ZBTB20: variants seen among roughly 807,000 people sequenced by gnomAD.
ZBTB20 encodes the protein zinc finger and BTB domain-containing protein 20.
In ZBTB20, 9 loss-of-function variants were observed where a neutral mutation model predicts 56.9. The ratio of observed to expected loss-of-function variants is 0.16; its 90% CI spans 0.10 to 0.28. The LOEUF (loss-of-function observed/expected upper bound fraction) is 0.28, where lower values mean the gene tolerates loss of function less well. Ranked by LOEUF, ZBTB20 falls within the 10% of genes least tolerant of loss-of-function variation. The pLI, the probability that ZBTB20 is intolerant of heterozygous loss-of-function variation, is 1.00. For missense variants in ZBTB20, 655 were observed against 1,003.0 expected (o/e 0.65, Z 4.69); for synonymous variants, 417 against 420.7 (o/e 0.99, Z 0.11).
chr3:114,762,544 A>G (rs750590214), intron 5 of ZBTB20, among the ~76,000 whole-genome samples: 5 of 152,136 alleles, frequency 3.3e-5, no homozygotes, highest in Non-Finnish European at 7.4e-5. Context: ...GGCTCTCTTC[A>G]TTTGCTTGTG....
intron 7 of ZBTB20, among the ~76,000 whole-genome samples, chr3:114,448,975 G>T (rs1200228099): frequency 6.6e-6 from 1 of 152,064 alleles, no homozygotes; most frequent in Non-Finnish European, 1.5e-5. Context: ...AGGTATTACT[G>T]ACTGACACTG....
At chr3:115,114,809 G>C (rs1403583020) in intron 1 of ZBTB20, among the ~76,000 whole-genome samples, 1 of 152,032 alleles carries the variant, frequency 6.6e-6, no homozygotes. Context: ...ACTTTAAAAA[G>C]ACAGATCGAA....
At chr3:114,532,627 C>T (rs1288219831) in intron 6 of ZBTB20, among the ~76,000 whole-genome samples, 3 of 152,226 alleles carry the variant, frequency 2.0e-5, no homozygotes, top group Admixed American at 2.0e-4. Context: ...CATCACAGAG[C>T]TCGAGCTCTC....
At chr3:114,589,905 G>A (rs1187899295) in intron 6 of ZBTB20, among the ~76,000 whole-genome samples, 1 of 152,072 alleles carries the variant, frequency 6.6e-6, no homozygotes, top group Non-Finnish European at 1.5e-5. Flanking sequence ...ATTACATTCT[G>A]TGGACCTCTC....
chr3:114,686,752 C>T (rs1461030307), intron 6 of ZBTB20, among the ~76,000 whole-genome samples: 4 of 152,144 alleles, frequency 2.6e-5, no homozygotes, highest in Non-Finnish European at 5.9e-5. Flanking sequence ...GCCTTCATCA[C>T]TCTTGTTCTT....
At chr3:114,547,814 C>T (rs1358239695) in intron 6 of ZBTB20, among the ~76,000 whole-genome samples, 4 of 152,096 alleles carry the variant, frequency 2.6e-5, no homozygotes, top group African/African-American at 4.8e-5. Context: ...TAAAAAAGTT[C>T]TATTACTGAA....
intron 4 of ZBTB20, among the ~76,000 whole-genome samples, chr3:114,832,988 GA>G (rs1159680864): frequency 6.6e-6 from 1 of 152,096 alleles, no homozygotes; most frequent in African/African-American, 2.4e-5. Flanking sequence ...CTTGCATTAT[GA>G]AGCAGCTTGA....
intron 7 of ZBTB20, among the ~76,000 whole-genome samples, chr3:114,444,349 G>A (rs967326763): frequency 6.6e-6 from 1 of 152,122 alleles, no homozygotes; most frequent in Admixed American, 6.6e-5. Context: ...TCTCTAGGGA[G>A]TACAATGCAT....
chr3:114,501,685 C>A (rs1274396783), intron 6 of ZBTB20, among the ~76,000 whole-genome samples: 5 of 143,674 alleles, frequency 3.5e-5, no homozygotes, highest in African/African-American at 1.3e-4. Flanking sequence ...GTCTGCCCAT[C>A]ATTGTGCTTT....
chr3:114,351,866 C>A lies in ZBTB20; in HGVS notation c.212G>T (p.Cys71Phe). 1 of 1,591,508 alleles carries A rather than the reference C, an allele frequency of 6.3e-7. No homozygotes were observed. The highest frequency in any genetic ancestry group is 8.6e-7 in the Non-Finnish European group (1 of 1,163,846). Residue 71 changes from cysteine (C) to phenylalanine (F), a missense_variant, in exon 11 of 12, where the codon TGC (cysteine) becomes TTC (phenylalanine). By Grantham distance (205) the Cys-to-Phe change is radical (BLOSUM62 -2). This residue lies in a region of ZBTB20 where 57 missense variants were observed against 99.1 expected (regional missense o/e 0.58). Transcript: ENST00000675478. The stretch of plus-strand genomic sequence containing the variant: ...GTGAATGCGCTCGGTCATCCCCTTG[C>A]AACTGATGTCACCTGCAGCATGTCA... The part of the protein sequence containing the change: ...HTGSSDCDIS[C>F]KGMTERIHSI...
intron 6 of ZBTB20, among the ~76,000 whole-genome samples, chr3:114,604,103 C>T (rs1201482318): frequency 6.6e-6 from 1 of 151,966 alleles, no homozygotes; most frequent in African/African-American, 2.4e-5. Context: ...TAAGGTTGTT[C>T]ACTGTAATAT....
chr3:114,792,605 T>C (rs958051417), intron 5 of ZBTB20, among the ~76,000 whole-genome samples: 12 of 152,152 alleles, frequency 7.9e-5, no homozygotes, highest in African/African-American at 2.2e-4. Context: ...GGCTTTAGAA[T>C]ACTTGTTCAA....
At chr3:114,811,530 T>C (rs913354008) in intron 4 of ZBTB20, among the ~76,000 whole-genome samples, 7 of 152,158 alleles carry the variant, frequency 4.6e-5, no homozygotes, top group Admixed American at 6.5e-5. Context: ...GAGACTTAAA[T>C]AGATGAAAAA....
At chr3:114,938,775 A>G (rs1413316344) in intron 3 of ZBTB20, among the ~76,000 whole-genome samples, 1 of 145,690 alleles carries the variant, frequency 6.9e-6, no homozygotes, top group Non-Finnish European at 1.5e-5. Flanking sequence ...TACCTATGTA[A>G]CAAACCTGCA....
chr3:114,563,375 C>T (rs2052340236), intron 6 of ZBTB20, among the ~76,000 whole-genome samples: 1 of 152,172 alleles, frequency 6.6e-6, no homozygotes, highest in African/African-American at 2.4e-5. Context: ...CTGAACTTTG[C>T]ATAACTCTAA....
intron 5 of ZBTB20, among the ~76,000 whole-genome samples, chr3:114,747,508 G>A (rs1188939376): frequency 1.3e-5 from 2 of 152,136 alleles, no homozygotes; most frequent in African/African-American, 4.8e-5. Flanking sequence ...AGGTTGCAGT[G>A]AGCAAAGACT....
intron 1 of ZBTB20, among the ~76,000 whole-genome samples, chr3:115,117,951 C>T (rs879559503): frequency 6.6e-6 from 1 of 152,114 alleles, no homozygotes; most frequent in African/African-American, 2.4e-5. Context: ...GTAGAAAGAA[C>T]GTGGCTTTTA....
intron 7 of ZBTB20, among the ~76,000 whole-genome samples, chr3:114,398,457 AAT>A (rs2086530179): frequency 6.6e-6 from 1 of 152,138 alleles, no homozygotes; most frequent in South Asian, 2.1e-4. Flanking sequence ...GTTCCATCAC[AAT>A]ATTGGGAAGA....
At chr3:115,019,529 A>C (rs1338004698) in intron 2 of ZBTB20, among the ~76,000 whole-genome samples, 2 of 151,284 alleles carry the variant, frequency 1.3e-5, no homozygotes, top group Admixed American at 6.6e-5. Context: ...AATGGTCTCA[A>C]TGTTAACATT....
Sources: allele counts gnomAD v4.1 joint callset (sites outside exome capture counted in the v4.1 genomes callset), GRCh38; gene constraint gnomAD v4.1.1; regional missense constraint gnomAD v4.1.1; transcripts MANE v1.5; gene names NCBI Gene and HGNC (gene_info 2026-07-23, HGNC 2026-07-21).